The following ACP3 variants were observed in gnomAD, a reference collection of about 807,000 sequenced individuals.
The protein encoded by ACP3 is acid phosphatase 3.
In ACP3, 38 loss-of-function variants were observed where a neutral mutation model predicts 45.6. The ratio of observed to expected loss-of-function variants is 0.83; its 90% CI spans 0.64 to 1.09. The LOEUF (loss-of-function observed/expected upper bound fraction) is 1.09, where lower values mean the gene tolerates loss of function less well. Among genes scored for constraint, ACP3 ranks in the 50% least tolerant of loss-of-function variants. The probability of loss-of-function intolerance (pLI) is 0.00; values close to 1 mark genes in which losing one functional copy is unlikely to be tolerated. For missense variants in ACP3, 466 were observed against 463.2 expected, an observed-to-expected ratio of 1.01 and a Z score of -0.05; for synonymous variants, 162 against 164.7, an observed-to-expected ratio of 0.98 and a Z score of 0.13.
Position 132,356,800 on chromosome 3 carries a change from C to T in ACP3, c.1083C>T (p.Gly361=), listed in dbSNP as rs376143486. ...CPLERFAELV[G]PVIPQDWSTE... The stretch of plus-strand genomic sequence containing the variant: ...TGGAGAGGTTTGCTGAGCTGGTTGG[C>T]CCTGTGATCCCTCAAGACTGGTCCA... Residue 361 remains glycine (G), a synonymous_variant, in exon 10 of 10, where the codon GGC becomes GGT. Transcript: ENST00000336375. 9 of 1,614,160 alleles carry T rather than the reference C, an allele frequency of 5.6e-6. No homozygotes were observed. Among genetic ancestry groups the T allele is most frequent in the Non-Finnish European group, 7.6e-6 (9 of 1,180,036 alleles).
At chr3:132,342,445 T>C (rs1937562420) in intron 5 of ACP3, 107 bp from the exon 6 acceptor site, 8 of 714,670 alleles carry the variant, frequency 1.1e-5, no homozygotes, top group Middle Eastern at 2.8e-4. Flanking sequence ...CATCCTATAA[T>C]GCACAGGAGA....
At chr3:132,331,784 T>C (rs1291588619) in intron 3 of ACP3, 51 bp downstream of exon 3, 1 of 1,421,696 alleles carries the variant, frequency 7.0e-7, no homozygotes, top group African/African-American at 1.4e-5. Flanking sequence ...ATAATTAAAA[T>C]AATTCTGCAT....
chr3:132,318,842 G>T (rs1183819673), intron 1 of ACP3, among the ~76,000 whole-genome samples: 1 of 152,190 alleles, frequency 6.6e-6, no homozygotes, highest in East Asian at 1.9e-4. Context: ...TGCCGTGCTT[G>T]TAATACTGTA....
intron 4 of ACP3, 64 bp from the exon 5 acceptor site, chr3:132,337,392 T>G: frequency 9.7e-7 from 1 of 1,034,230 alleles, no homozygotes. Flanking sequence ...AAAATATTGC[T>G]GCAGCATATT....
intron 9 of ACP3, among the ~76,000 whole-genome samples, chr3:132,355,549 G>A (rs1037808551): frequency 5.5e-5 from 4 of 73,348 alleles, no homozygotes; most frequent in South Asian, 4.6e-4. Context: ...ATGGAGTCTC[G>A]CTCTGTTGCC....
rs747592649 is a variant in ACP3, at chr3:132,332,367, G to A, written c.456+23G>A. ...CAGGTCAGTATACTGGGAAAACCAG[G>A]AGATTTCAGATGGACCTAGAATGAG... is the stretch of plus-strand genomic sequence containing the variant. On this transcript the variant is annotated intron_variant, in intron 4 of 9. Transcript: ENST00000336375. 7.7e-5 allele frequency: 124 copies of A among 1,613,712 alleles called. 1 individual carries two copies. Among genetic ancestry groups the A allele is most frequent in the Non-Finnish European group, 1.0e-4 (119 of 1,179,820 alleles).
chr3:132,325,486 T>C (rs538415882), intron 1 of ACP3, among the ~76,000 whole-genome samples: 1 of 152,282 alleles, frequency 6.6e-6, no homozygotes, highest in South Asian at 2.1e-4. Flanking sequence ...TCTCAGGCCA[T>C]TCTGTCATTT....
intron 9 of ACP3, among the ~76,000 whole-genome samples, chr3:132,355,747 A>G (rs528281079): frequency 2.2e-4 from 33 of 152,132 alleles, no homozygotes; most frequent in African/African-American, 7.5e-4. Context: ...CGATCTCCTG[A>G]CCTCGTGATC....
intron 5 of ACP3, among the ~76,000 whole-genome samples, chr3:132,339,054 A>G (rs1434998724): frequency 3.9e-5 from 6 of 152,002 alleles, no homozygotes; most frequent in Non-Finnish European, 8.8e-5. Context: ...AAGAGGCCCC[A>G]GTGTGTCTTC....
At chr3:132,319,672 A>G (rs1937170046) in intron 1 of ACP3, among the ~76,000 whole-genome samples, 1 of 152,220 alleles carries the variant, frequency 6.6e-6, no homozygotes, top group Non-Finnish European at 1.5e-5. Flanking sequence ...AGGCACAAAA[A>G]GGTTAAGCAT....
intron 6 of ACP3, 152 bp from the exon 7 acceptor site, chr3:132,344,775 C>A: frequency 1.2e-6 from 1 of 803,144 alleles, no homozygotes; most frequent in Non-Finnish European, 1.9e-6. Flanking sequence ...GTCAATACCA[C>A]TACTTATCAC....
chr3:132,342,535 C>T lies in ACP3; in HGVS notation c.556-17C>T. ...GAAACCTGTGTAGGAATTTTTCTTTCTCTGTTTGTGTTTCAGGATTTTATA... is the reference window on the plus strand; with the variant it reads ...GAAACCTGTGTAGGAATTTTTCTTTTTCTGTTTGTGTTTCAGGATTTTATA... On this transcript the variant is annotated splice_polypyrimidine_tract_variant and intron_variant, in intron 5 of 9. Coordinates refer to ENST00000336375, the MANE Select transcript of ACP3 (RefSeq NM_001099.5). 3 of 1,569,274 alleles carry T rather than the reference C, an allele frequency of 1.9e-6. No homozygotes were observed. The highest frequency in any genetic ancestry group is 2.6e-6 in the Non-Finnish European group (3 of 1,150,592).
At chr3:132,359,176 G>A (rs1300263922), downstream of ACP3, among the ~76,000 whole-genome samples, 1 of 152,150 alleles carries the variant, frequency 6.6e-6, no homozygotes, top group Non-Finnish European at 1.5e-5. Flanking sequence ...AGTAAGGAAG[G>A]TCAGGAAAGG....
chr3:132,342,350 A>G (rs1203193966), intron 5 of ACP3, among the ~76,000 whole-genome samples: 1 of 152,184 alleles, frequency 6.6e-6, no homozygotes, highest in African/African-American at 2.4e-5. Flanking sequence ...ACATTTGGCA[A>G]TGTCGGGAGA....
intron 9 of ACP3, among the ~76,000 whole-genome samples, chr3:132,354,098 G>T (rs181795873): frequency 6.6e-6 from 1 of 152,146 alleles, no homozygotes; most frequent in African/African-American, 2.4e-5. Context: ...GGAATGAAAC[G>T]ACTAGAGACA....
chr3:132,328,605 G>A (rs1366591143), intron 2 of ACP3, among the ~76,000 whole-genome samples: 1 of 151,070 alleles, frequency 6.6e-6, no homozygotes, highest in Non-Finnish European at 1.5e-5. Flanking sequence ...CTTGAACCTG[G>A]GAAGTGGAGG....
At chr3:132,364,302 T>G (rs796156194) in intron 10 of ACP3, among the ~76,000 whole-genome samples, 4 of 152,226 alleles carry the variant, frequency 2.6e-5, no homozygotes, top group African/African-American at 9.6e-5. Flanking sequence ...GAGCAGTGAT[T>G]GCACCACTGC....
intron 10 of ACP3, chr3:132,367,598 A>G: frequency 4.8e-6 from 4 of 838,172 alleles, no homozygotes; most frequent in East Asian, 2.5e-5. Context: ...CTCTTTAGCA[A>G]CTCCTCTGAA....
chr3:132,354,565 G>A (rs17182707), intron 9 of ACP3, among the ~76,000 whole-genome samples: 72,326 of 151,902 alleles, frequency 0.48, 18,001 homozygotes, highest in Middle Eastern at 0.65. Flanking sequence ...AGGAGGCTTC[G>A]AGTTAACGAA....
Sources: gnomAD v4.1 joint callset for allele counts (sites outside exome capture counted in the v4.1 genomes callset) on GRCh38, gnomAD v4.1.1 for gene constraint, MANE v1.5 for transcripts, NCBI Gene and HGNC (gene_info 2026-07-23, HGNC 2026-07-21) for gene names.